The following VCAM1 variants were observed in gnomAD, a reference collection of about 807,000 sequenced individuals.
The protein encoded by VCAM1 is vascular cell adhesion protein 1.
Under a neutral mutation model 63.8 loss-of-function variants are expected in VCAM1, and 41 were observed. The ratio of observed to expected loss-of-function variants is 0.64; its 90% CI spans 0.50 to 0.83. The LOEUF (loss-of-function observed/expected upper bound fraction) is 0.83, where lower values mean the gene tolerates loss of function less well. VCAM1 is among the 40% of genes least tolerant of loss of function. The probability of loss-of-function intolerance (pLI) is 0.00; values close to 1 mark genes in which losing one functional copy is unlikely to be tolerated. For synonymous variants in VCAM1, 338 were observed against 320.7 expected (o/e 1.05, Z -0.58); for missense variants, 798 against 875.5 (o/e 0.91, Z 1.12).
At chr1:100,732,794 A>G in intron 7 of VCAM1, 110 bp downstream of exon 7, 2 of 1,234,276 alleles carry the variant, frequency 1.6e-6, no homozygotes, top group Non-Finnish European at 2.2e-6. Flanking sequence ...AAGTGTGATG[A>G]GGGTTTTGAA....
At chr1:100,729,763 T>G (rs1476956048) in intron 5 of VCAM1, among the ~76,000 whole-genome samples, 2 of 152,010 alleles carry the variant, frequency 1.3e-5, no homozygotes, top group Non-Finnish European at 2.9e-5. Context: ...AAGGCACTGT[T>G]TTAAAGGCAC....
intron 4 of VCAM1, among the ~76,000 whole-genome samples, chr1:100,726,274 A>G (rs1255940998): frequency 6.6e-6 from 1 of 151,996 alleles, no homozygotes; most frequent in Non-Finnish European, 1.5e-5. Context: ...CACATATTTT[A>G]TGGCTAATTA....
At chr1:100,721,991 T>C (rs1659969888) in intron 2 of VCAM1, among the ~76,000 whole-genome samples, 1 of 152,068 alleles carries the variant, frequency 6.6e-6, no homozygotes, top group South Asian at 2.1e-4. Context: ...GAAAGAGAAA[T>C]GAAGACGCTT....
chr1:100,731,381 A>G lies in VCAM1; in HGVS notation c.1388A>G (p.Asn463Ser). Residue 463 changes from asparagine to serine, a missense_variant, in exon 6 of 9, where the codon AAC becomes AGC. By Grantham distance (46) the Asn-to-Ser change is conservative. Coordinates refer to ENST00000294728, the MANE Select transcript of VCAM1 (RefSeq NM_001078.4). This position sits in a 1 kb window ranked among gnomAD's most constrained non-coding sequence, Gnocchi z 4.2. ...GATACGGATATGAAATCTCTAGAGA[A>G]CAAAAGTTTGGAAATGACCTTCATC... is the stretch of plus-strand genomic sequence containing the variant. The part of the protein sequence containing the change: ...LEDTDMKSLE[N>S]KSLEMTFIPT... 1 of 1,613,898 alleles carries G rather than the reference A, an allele frequency of 6.2e-7. No individual in the cohort carries two copies. Among genetic ancestry groups the G allele is most frequent in the Middle Eastern group, 1.6e-4 (1 of 6,062 alleles).
Position 100,723,252 on chromosome 1 carries a change from A to G in VCAM1, c.573A>G (p.Lys191=). ...CTCCTGTCATTGAGGATATTGGAAA[A>G]GTTCTTGTTTGCCGAGCTAAATTAC... The part of the protein sequence containing the change: ...TFTPVIEDIG[K]VLVCRAKLHI... Residue 191 remains lysine, a synonymous_variant, in exon 3 of 9, where the codon AAA becomes AAG. Transcript: ENST00000294728. The G allele has an allele frequency of 1.2e-6, 2 of 1,613,102 alleles. No individual in the cohort carries two copies. Among genetic ancestry groups the G allele is most frequent in the Non-Finnish European group, 1.7e-6 (2 of 1,179,388 alleles).
At chr1:100,732,120 A>T (rs1420992261) in intron 6 of VCAM1, among the ~76,000 whole-genome samples, 3 of 152,196 alleles carry the variant, frequency 2.0e-5, no homozygotes, top group Non-Finnish European at 2.9e-5. Context: ...ATTCACAGTC[A>T]TGTTGACTCT....
At position 100,737,045 on chromosome 1, in the gene VCAM1, T is replaced by G. The variant is rs35668724; in HGVS notation, c.2060-1078T>G. 3.9e-5 allele frequency: 6 copies of G among 152,254 alleles called. No homozygotes were observed. In the East Asian group the frequency reaches 1.2e-3, roughly 29 times the overall value. The allele number at this position is 152,254 out of a possible 1,614,324, so 9.4% of individuals were successfully genotyped here. On this transcript the variant is annotated intron_variant, in intron 8 of 8. Coordinates refer to ENST00000294728, the MANE Select transcript of VCAM1 (RefSeq NM_001078.4). ...ATCTTCTTCAGCTGCTCTTATAAAG[T>G]TAAGATGTTAAGCAGTATAGCAGCT...
chr1:100,729,225 C>G lies in VCAM1; in HGVS notation c.1047C>G (p.Thr349=), dbSNP rs1183565135. 3.7e-6 allele frequency: 6 copies of G among 1,613,516 alleles called. No homozygotes were observed. The East Asian group carries it at 8.9e-5, about 24-fold the overall frequency. ...AATCCCCATCTTTCTCCTGGAGAAC[C>G]CAGATAGACAGCCCTCTGAGCGGGA... ...GCESPSFSWR[T]QIDSPLSGKV... Residue 349 remains threonine (T), a synonymous_variant, in exon 5 of 9, where the codon ACC becomes ACG. Coordinates refer to ENST00000294728, the MANE Select transcript of VCAM1 (RefSeq NM_001078.4).
rs78529298 is a variant in VCAM1 at position 100,733,550 on chromosome 1, T to G, written c.1792+866T>G. Among the ~76,000 whole-genome samples, 132 of 152,258 alleles carry G rather than the reference T, an allele frequency of 8.7e-4. 2 individuals are homozygous for G. The East Asian group carries it at 0.02, about 23-fold the overall frequency. On this transcript the variant is annotated intron_variant, in intron 7 of 8. Coordinates refer to ENST00000294728, the MANE Select transcript of VCAM1 (RefSeq NM_001078.4). Reference sequence around the variant, plus strand: ...ACCTTTTGGATGGTTGTCATGACCTTGGATGGGGAAAGAATTTCAAATCAA... The same window carrying G: ...ACCTTTTGGATGGTTGTCATGACCTGGGATGGGGAAAGAATTTCAAATCAA...
At chr1:100,730,018 C>A (rs1660378999) in intron 5 of VCAM1, among the ~76,000 whole-genome samples, 1 of 152,106 alleles carries the variant, frequency 6.6e-6, no homozygotes, top group Non-Finnish European at 1.5e-5. Context: ...TCTCTATGAA[C>A]TTGACATTGC....
intron 3 of VCAM1, among the ~76,000 whole-genome samples, chr1:100,724,151 T>C (rs1433171596): frequency 6.6e-6 from 1 of 152,130 alleles, no homozygotes; most frequent in Non-Finnish European, 1.5e-5. Context: ...TACCTTATTC[T>C]GTAACAGCAC....
chr1:100,729,220 A>T lies in VCAM1; in HGVS notation c.1042A>T (p.Arg348Ter). 6.2e-7 allele frequency: 1 copy of T among 1,613,596 alleles called. No individual in the cohort carries two copies. The highest frequency in any genetic ancestry group is 8.5e-7 in the Non-Finnish European group (1 of 1,179,710). The change falls in exon 5 of 9, where the codon AGA (arginine) becomes TGA (stop). Residue 348 changes from arginine to a stop codon, truncating the protein, a stop_gained. Coordinates refer to ENST00000294728, the MANE Select transcript of VCAM1 (RefSeq NM_001078.4). LOFTEE classifies it high-confidence loss of function. Reference protein sequence around the residue: ...MGCESPSFSWRTQIDSPLSGK... With the variant: ...MGCESPSFSW ...CTGTGAATCCCCATCTTTCTCCTGG[A>T]GAACCCAGATAGACAGCCCTCTGAG...
intron 1 of VCAM1, 143 bp from the exon 2 acceptor site, chr1:100,720,332 CT>C: frequency 8.7e-7 from 1 of 1,145,618 alleles, no homozygotes; most frequent in Non-Finnish European, 1.2e-6. Flanking sequence ...GACTTCGGTG[CT>C]TTTTGGCTAC....
At chr1:100,724,945 A>G (rs1007709384) in intron 4 of VCAM1, 55 bp downstream of exon 4, 3 of 1,588,102 alleles carry the variant, frequency 1.9e-6, no homozygotes, top group African/African-American at 2.7e-5. Flanking sequence ...GATTTGAGCA[A>G]TAGTCAACAC....
In VCAM1 at chr1:100,719,756, G is replaced by C; in HGVS notation, c.-105G>C. On this transcript the variant is annotated 5_prime_UTR_variant, in exon 1 of 9. Transcript: ENST00000294728. ...TATTTCACTCCGCGGTATCTGCATC[G>C]GGCCTCACTGGCTTCAGGAGCTGAA... The C allele has an allele frequency of 9.2e-7, 1 of 1,089,190 alleles. No individual in the cohort carries two copies. Among genetic ancestry groups the C allele is most frequent in the Non-Finnish European group, 1.3e-6 (1 of 750,742 alleles). The allele number at this position is 1,089,190 out of a possible 1,614,324, so 67.5% of individuals were successfully genotyped here.
rs1246690641 is a variant in VCAM1, at chr1:100,736,992, GGAGT to G, written c.2060-1126_2060-1123del. ...CATGATGCTGTGCAAAGTATAAACA[GGAGT>G]GAGTCTTCAGTAAATGACACACTAT... On this transcript the variant is annotated intron_variant, in intron 8 of 8. Transcript: ENST00000294728. 3 of 152,174 alleles carry G rather than the reference GGAGT, an allele frequency of 2.0e-5. No homozygotes were observed. In the East Asian group the frequency reaches 5.8e-4, roughly 29 times the overall value. 9.4% of individuals were successfully genotyped at this position (152,174 alleles called of 1,614,324 possible).
At chr1:100,735,446 C>G (rs559781560) in intron 8 of VCAM1, 4 of 152,406 alleles carry the variant, frequency 2.6e-5, no homozygotes, top group African/African-American at 9.6e-5. Flanking sequence ...AATACATCAG[C>G]CTTGGCTGAT....
chr1:100,729,261 T>C lies in VCAM1; in HGVS notation c.1083T>C (p.Ser361=). The C allele has an allele frequency of 6.2e-7, 1 of 1,613,146 alleles. No homozygotes were observed. The highest frequency in any genetic ancestry group is 8.5e-7 in the Non-Finnish European group (1 of 1,179,616). The change falls in exon 5 of 9, where the codon AGT becomes AGC. Residue 361 remains serine, a synonymous_variant. Coordinates refer to ENST00000294728, the MANE Select transcript of VCAM1 (RefSeq NM_001078.4). ...GCCCTCTGAGCGGGAAGGTGAGGAG[T>C]GAGGGGACCAATTCCACGCTGACCC... ...IDSPLSGKVR[S]EGTNSTLTLS...
intron 5 of VCAM1, among the ~76,000 whole-genome samples, chr1:100,729,597 C>T (rs1393990387): frequency 6.6e-6 from 1 of 151,970 alleles, no homozygotes; most frequent in Non-Finnish European, 1.5e-5. Flanking sequence ...ACCCACAATC[C>T]TTGGTTTATG....
Sources: gnomAD v4.1 joint callset for allele counts (sites outside exome capture counted in the v4.1 genomes callset) on GRCh38, gnomAD v4.1.1 for gene constraint, Gnocchi (gnomAD v3.1) non-coding constraint, MANE v1.5 for transcripts, NCBI Gene and HGNC (gene_info 2026-07-23, HGNC 2026-07-21) for gene names.